SSU72: variants seen among roughly 807,000 people sequenced by gnomAD.
The protein encoded by SSU72 is SSU72 homolog, RNA polymerase II CTD phosphatase.
In SSU72, 12 loss-of-function variants were observed where a neutral mutation model predicts 22.7. That is an observed-to-expected ratio of 0.53 (90% CI 0.34 to 0.86). The LOEUF (loss-of-function observed/expected upper bound fraction) is 0.86, where lower values mean the gene tolerates loss of function less well. Ranked by LOEUF, SSU72 falls within the 40% of genes least tolerant of loss-of-function variation. The pLI, the probability that SSU72 is intolerant of heterozygous loss-of-function variation, is 0.02. For missense variants in SSU72, 151 were observed against 249.8 expected (o/e 0.60, Z 2.67); for synonymous variants, 116 against 98.3 (o/e 1.18, Z -1.06).
chr1:1,545,670 T>TA (rs1457592230), intron 2 of SSU72: 2 of 152,082 alleles, frequency 1.3e-5, no homozygotes, highest in Non-Finnish European at 2.9e-5. Flanking sequence ...TAGACGGACA[T>TA]AGTGGCACAT....
At chr1:1,569,123 G>A (rs1387325239) in intron 1 of SSU72, among the ~76,000 whole-genome samples, 2 of 151,658 alleles carry the variant, frequency 1.3e-5, no homozygotes, top group African/African-American at 2.4e-5. Flanking sequence ...GCAGTGAGCC[G>A]AGATCTTGCC....
At chr1:1,568,796 T>C (rs1642693022) in intron 1 of SSU72, among the ~76,000 whole-genome samples, 1 of 150,938 alleles carries the variant, frequency 6.6e-6, no homozygotes, top group Admixed American at 6.6e-5. Context: ...TGGTGGCTCA[T>C]GCCTGTAATC....
intron 1 of SSU72, 37 bp downstream of exon 1, chr1:1,574,441 G>C: frequency 6.4e-7 from 1 of 1,568,222 alleles, no homozygotes; most frequent in Non-Finnish European, 8.6e-7. Flanking sequence ...CCGGTCGCCG[G>C]AGCAGAGCGC....
In SSU72 at chr1:1,542,322, C is replaced by T. The variant is rs571711052; in HGVS notation, c.484-155G>A. On this transcript the variant is annotated intron_variant, in intron 4 of 4. Transcript: ENST00000291386. This position sits in a 1 kb window ranked among gnomAD's most constrained non-coding sequence, Gnocchi z 4.4. ...ACCGCTGCTGCCTCACAAGGACGGC[C>T]GGAGGCTGCAGGGGGAGAGCGTCCC... Among the ~76,000 whole-genome samples, 4 of 152,280 alleles carry T rather than the reference C, an allele frequency of 2.6e-5. No individual in the cohort carries two copies. The highest frequency in any genetic ancestry group is 4.1e-4 in the South Asian group (2 of 4,826).
At chr1:1,552,219 G>A (rs1229573466) in intron 2 of SSU72, among the ~76,000 whole-genome samples, 1 of 152,172 alleles carries the variant, frequency 6.6e-6, no homozygotes, top group Non-Finnish European at 1.5e-5. Context: ...GCACAGGGAG[G>A]TGAGGTCACT....
Position 1,574,534 on chromosome 1 carries a change from CA to C in SSU72, c.23del (p.Val8GlyfsTer35). On this transcript the variant is annotated frameshift_variant, in exon 1 of 5. Transcript: ENST00000291386. LOFTEE classifies it high-confidence loss of function. MPSSPLR[V>X]AVVCSSNQNR... ...TCTGGTTGCTCGAGCACACCACCGC[CA>C]CCCGCAGCGGGGACGACGGCATGGC... is the stretch of plus-strand genomic sequence containing the variant. 6.3e-7 allele frequency: 1 copy of C among 1,590,018 alleles called. No homozygotes were observed. The highest frequency in any genetic ancestry group is 8.5e-7 in the Non-Finnish European group (1 of 1,170,766).
chr1:1,552,912 T>C (rs1642470001), intron 2 of SSU72, among the ~76,000 whole-genome samples: 1 of 151,440 alleles, frequency 6.6e-6, no homozygotes, highest in South Asian at 2.1e-4. Flanking sequence ...TCCCAGCTAC[T>C]TGGGAGGCTG....
intron 2 of SSU72, among the ~76,000 whole-genome samples, chr1:1,547,822 C>T (rs1274550961): frequency 1.3e-5 from 2 of 152,212 alleles, no homozygotes; most frequent in African/African-American, 4.8e-5. Flanking sequence ...TAAGTACTGC[C>T]GGGCGGGAGG....
Position 1,547,026 on chromosome 1 carries a change from G to A in SSU72, c.225-2024C>T, listed in dbSNP as rs182969282. ...GCCTGGGCAACAAGAGCAAGACACC[G>A]TCTCAAAAAGAAAAGAAAAAAAAGA... On this transcript the variant is annotated intron_variant, in intron 2 of 4. Coordinates refer to ENST00000291386, the MANE Select transcript of SSU72 (RefSeq NM_014188.3). Among the ~76,000 whole-genome samples, 38 of 152,120 alleles carry A rather than the reference G, an allele frequency of 2.5e-4. 1 individual carries two copies. In the East Asian group the frequency reaches 5.4e-3, roughly 22 times the overall value.
In SSU72 at chr1:1,554,599, T is replaced by A. The variant is rs979060032; in HGVS notation, c.225-9597A>T. On this transcript the variant is annotated intron_variant, in intron 2 of 4. Transcript: ENST00000291386. This position sits in a 1 kb window ranked among gnomAD's most constrained non-coding sequence, Gnocchi z 4.1. The stretch of plus-strand genomic sequence containing the variant: ...CCCGGGGAGTTAGAATGAGCGCAGC[T>A]GCCCATCCCACAGGAGAACCGAGAG... Among the ~76,000 whole-genome samples, 1 of 152,162 alleles carries A rather than the reference T, an allele frequency of 6.6e-6. No homozygotes were observed. Among genetic ancestry groups the A allele is most frequent in the African/African-American group, 2.4e-5 (1 of 41,422 alleles).
intron 2 of SSU72, among the ~76,000 whole-genome samples, chr1:1,549,589 AC>A (rs1200883267): frequency 3.3e-5 from 5 of 152,072 alleles, no homozygotes; most frequent in Non-Finnish European, 5.9e-5. Context: ...CTATAATCCC[AC>A]CACTTTGGGA....
At position 1,542,452 on chromosome 1, in the gene SSU72, C is replaced by T. The variant is rs535475032; in HGVS notation, c.484-285G>A. ...AGAGGGGCCCAGCACGGAGACCTGGCGGCCAGGGCTCAGACCCACACATGC... is the reference window on the plus strand; with the variant it reads ...AGAGGGGCCCAGCACGGAGACCTGGTGGCCAGGGCTCAGACCCACACATGC... On this transcript the variant is annotated intron_variant, in intron 4 of 4. Coordinates refer to ENST00000291386, the MANE Select transcript of SSU72 (RefSeq NM_014188.3). The surrounding 1 kb of genome is among the most constrained non-coding windows in gnomAD (Gnocchi z 4.4). Among the ~76,000 whole-genome samples the T allele has an allele frequency of 5.9e-5, 9 of 152,284 alleles. No homozygotes were observed. The highest frequency in any genetic ancestry group is 3.3e-4 in the Admixed American group (5 of 15,310).
intron 1 of SSU72, 29 bp from the exon 2 acceptor site, chr1:1,564,945 C>T (rs1642640451): frequency 1.3e-6 from 2 of 1,566,142 alleles, no homozygotes; most frequent in African/African-American, 1.4e-5. Context: ...GAAAGAATCA[C>T]AGTCACACTA....
chr1:1,550,135 A>G (rs1330054978), intron 2 of SSU72, among the ~76,000 whole-genome samples: 1 of 150,228 alleles, frequency 6.7e-6, no homozygotes, highest in Non-Finnish European at 1.5e-5. Flanking sequence ...CCGAGATCAC[A>G]TCACTACACT....
intron 4 of SSU72, 33 bp downstream of exon 4, chr1:1,543,836 T>A: frequency 6.4e-7 from 1 of 1,561,152 alleles, no homozygotes. Flanking sequence ...TGTCACAACC[T>A]CTGCCCAGCG....
chr1:1,544,827 G>A (rs751183485), intron 3 of SSU72, 36 bp downstream of exon 3: 14 of 1,613,468 alleles, frequency 8.7e-6, no homozygotes, highest in Admixed American at 6.7e-5. Flanking sequence ...TGTGAGAGCT[G>A]CTGGAGCCCA....
chr1:1,573,624 CTG>C (rs1642767499), intron 1 of SSU72, among the ~76,000 whole-genome samples: 1 of 151,924 alleles, frequency 6.6e-6, no homozygotes, highest in African/African-American at 2.4e-5. Context: ...CCACGTGACA[CTG>C]TTAAAAACGG....
chr1:1,572,873 G>C (rs527613685), intron 1 of SSU72, among the ~76,000 whole-genome samples: 3 of 52,852 alleles, frequency 5.7e-5, no homozygotes, highest in Admixed American at 3.4e-4. Context: ...CAATAATTTT[G>C]TCTTGGGGGG....
chr1:1,574,645 G>T lies in SSU72; in HGVS notation c.-88C>A. ...CGCGAACAAAATGGCGGCCGCGGTG[G>T]CCGGAAGCGGGCGACGCGAAACGAC... On this transcript the variant is annotated 5_prime_UTR_variant, in exon 1 of 5. Coordinates refer to ENST00000291386, the MANE Select transcript of SSU72 (RefSeq NM_014188.3). 4.6e-6 allele frequency: 6 copies of T among 1,300,006 alleles called. No homozygotes were observed. The South Asian group carries it at 5.9e-5, about 13-fold the overall frequency. 80.5% of individuals were successfully genotyped at this position (1,300,006 alleles called of 1,614,324 possible). A position where few individuals can be genotyped will look rare whatever the true frequency, so the allele number is the denominator to read the frequency against.
Sources: allele counts gnomAD v4.1 joint callset (sites outside exome capture counted in the v4.1 genomes callset), GRCh38; gene constraint gnomAD v4.1.1; non-coding constraint Gnocchi (gnomAD v3.1); transcripts MANE v1.5; gene names NCBI Gene and HGNC (gene_info 2026-07-23, HGNC 2026-07-21).